TNKS: variants seen among roughly 807,000 people sequenced by gnomAD.
TNKS encodes the protein tankyrase.
TNKS carries 72 observed loss-of-function variants against 135.8 expected under a neutral mutation model. The ratio of observed to expected loss-of-function variants is 0.53; its 90% CI spans 0.44 to 0.64. The LOEUF (loss-of-function observed/expected upper bound fraction) is 0.64, where lower values mean the gene tolerates loss of function less well. Ranked by LOEUF, TNKS falls within the 30% of genes least tolerant of loss-of-function variation. TNKS has a pLI of 0.00. For synonymous variants in TNKS, 849 were observed against 649.3 expected, an observed-to-expected ratio of 1.31 and a Z score of -4.68; for missense variants, 1,769 against 1,674.0, an observed-to-expected ratio of 1.06 and a Z score of -0.99.
intron 1 of TNKS, among the ~76,000 whole-genome samples, chr8:9,567,858 A>C (rs572475173): frequency 6.6e-6 from 1 of 152,218 alleles, no homozygotes; most frequent in Non-Finnish European, 1.5e-5. Context: ...CAGCAGTTTG[A>C]AAGTATGTAA....
chr8:9,699,740 C>A (rs535566154), intron 5 of TNKS, among the ~76,000 whole-genome samples: 7 of 152,094 alleles, frequency 4.6e-5, no homozygotes, highest in African/African-American at 1.7e-4. Context: ...AGTCCTGTAC[C>A]CTTCTGTTCA....
rs914464542 is a variant in TNKS at position 9,566,576 on chromosome 8, T to G, written c.673+9964T>G. On this transcript the variant is annotated intron_variant, in intron 1 of 26. Coordinates refer to ENST00000310430, the MANE Select transcript of TNKS (RefSeq NM_003747.3). Reference sequence around the variant, plus strand: ...TTCTTAAGTACATAAATATTAATCCTCGTATATTAGCCCAGTCTTTTTTTT... The same window carrying G: ...TTCTTAAGTACATAAATATTAATCCGCGTATATTAGCCCAGTCTTTTTTTT... 1.1e-4 allele frequency: 16 copies of G among 148,398 alleles called. 2 individuals are homozygous for G. Among genetic ancestry groups the G allele is most frequent in the African/African-American group, 3.9e-4 (16 of 40,876 alleles). 9.2% of individuals were successfully genotyped at this position (148,398 alleles called of 1,614,324 possible). A position where few individuals can be genotyped will look rare whatever the true frequency, so the allele number is the denominator to read the frequency against.
Position 9,730,907 on chromosome 8 carries a change from A to G in TNKS, c.2019A>G (p.Gln673=). Residue 673 remains glutamine (Q), a synonymous_variant, in exon 14 of 27, where the codon CAA becomes CAG. Coordinates refer to ENST00000310430, the MANE Select transcript of TNKS (RefSeq NM_003747.3). ...CACGAAAGCAACTTTGCAGCTCTCA[A>G]AATGTGAATTGTAGAGACTTAGAGG... ...LETVKQLCSS[Q]NVNCRDLEGR... 6.2e-7 allele frequency: 1 copy of G among 1,613,194 alleles called. No homozygotes were observed. The highest frequency in any genetic ancestry group is 8.5e-7 in the Non-Finnish European group (1 of 1,179,642).
intron 25 of TNKS, among the ~76,000 whole-genome samples, chr8:9,767,533 T>A (rs1202257136): frequency 6.6e-6 from 1 of 152,164 alleles, no homozygotes; most frequent in Non-Finnish European, 1.5e-5. Flanking sequence ...ACCTTGAAAT[T>A]GTGATTATTG....
chr8:9,563,864 T>G (rs1005376338), intron 1 of TNKS, among the ~76,000 whole-genome samples: 6 of 152,200 alleles, frequency 3.9e-5, no homozygotes, highest in African/African-American at 1.4e-4. Flanking sequence ...GTATTTGACC[T>G]CAGTTACTTT....
chr8:9,731,059 T>A, intron 14 of TNKS, 24 bp downstream of exon 14: 1 of 1,553,322 alleles, frequency 6.4e-7, no homozygotes, highest in Non-Finnish European at 8.7e-7. Flanking sequence ...GTTAGCTGTT[T>A]GGGAGTCATT....
chr8:9,561,684 A>T (rs1225855317), intron 1 of TNKS, among the ~76,000 whole-genome samples: 2 of 152,102 alleles, frequency 1.3e-5, no homozygotes, highest in South Asian at 4.1e-4. Flanking sequence ...CTTTTTGTGG[A>T]CACGGATTTT....
chr8:9,693,208 T>C (rs926186549), intron 5 of TNKS, among the ~76,000 whole-genome samples: 8 of 152,164 alleles, frequency 5.3e-5, no homozygotes, highest in African/African-American at 1.4e-4. Flanking sequence ...ATAATTATGG[T>C]ACAGCCACAC....
At chr8:9,658,140 G>A (rs533227285) in intron 3 of TNKS, among the ~76,000 whole-genome samples, 41 of 110,342 alleles carry the variant, frequency 3.7e-4, no homozygotes, top group African/African-American at 1.3e-3. Flanking sequence ...GGGCGGAGAC[G>A]CTCCTCACTT....
At chr8:9,590,174 C>T (rs1471798164) in intron 2 of TNKS, among the ~76,000 whole-genome samples, 1 of 152,154 alleles carries the variant, frequency 6.6e-6, no homozygotes, top group African/African-American at 2.4e-5. Context: ...GACTCATCTT[C>T]AGGGCCCTCC....
chr8:9,701,340 C>A (rs1267737408), intron 5 of TNKS, among the ~76,000 whole-genome samples: 1 of 152,148 alleles, frequency 6.6e-6, no homozygotes, highest in East Asian at 1.9e-4. Flanking sequence ...GAACTTTATA[C>A]AAAGAAAGTT....
At chr8:9,674,517 T>G (rs1274958096) in intron 3 of TNKS, among the ~76,000 whole-genome samples, 1 of 152,214 alleles carries the variant, frequency 6.6e-6, no homozygotes, top group East Asian at 1.9e-4. Context: ...CTGCAAAGTT[T>G]CGTGGTCCAA....
At chr8:9,718,943 G>C (rs765863048) in intron 11 of TNKS, among the ~76,000 whole-genome samples, 5 of 152,146 alleles carry the variant, frequency 3.3e-5, no homozygotes, top group Non-Finnish European at 7.4e-5. Flanking sequence ...AATAGAATAA[G>C]TTAGTATGTT....
rs986321468 is a variant in TNKS, at chr8:9,611,291, A to C, written c.899-4291A>C. On this transcript the variant is annotated intron_variant, in intron 2 of 26. Coordinates refer to ENST00000310430, the MANE Select transcript of TNKS (RefSeq NM_003747.3). ...AGTATAGGGGGCTTTGTGAATGGCC[A>C]TAGTACCCTTGAATTTATGTACTGA... is the stretch of plus-strand genomic sequence containing the variant. 6.6e-5 allele frequency among the ~76,000 whole-genome samples: 10 copies of C among 152,358 alleles called. No homozygotes were observed. The East Asian group carries it at 1.9e-3, about 29-fold the overall frequency.
chr8:9,746,857 C>T (rs1452194361), intron 17 of TNKS, among the ~76,000 whole-genome samples: 2 of 144,320 alleles, frequency 1.4e-5, no homozygotes, highest in African/African-American at 5.3e-5. Context: ...TGAGCCTTAT[C>T]TGAGAGTTTC....
At chr8:9,696,922 A>G (rs1460032173) in intron 5 of TNKS, among the ~76,000 whole-genome samples, 1 of 152,170 alleles carries the variant, frequency 6.6e-6, no homozygotes, top group African/African-American at 2.4e-5. Context: ...AACAATCAAC[A>G]TCATTCTTCA....
intron 11 of TNKS, among the ~76,000 whole-genome samples, chr8:9,717,099 A>ATT (rs1403111232): frequency 8.0e-6 from 1 of 124,532 alleles, no homozygotes; most frequent in African/African-American, 2.9e-5. Context: ...ATATATATAT[A>ATT]TATTTTCAGG....
At chr8:9,770,426 A>T (rs1401849400) in intron 26 of TNKS, among the ~76,000 whole-genome samples, 164 bp downstream of exon 26, 5 of 152,278 alleles carry the variant, frequency 3.3e-5, no homozygotes, top group African/African-American at 4.8e-5. Flanking sequence ...ATTCTTTGAC[A>T]TCAACTTTTT....
In TNKS at chr8:9,680,000, A is replaced by G. The variant is rs1490689156; in HGVS notation, c.1031+13A>G. On this transcript the variant is annotated intron_variant, in intron 4 of 26. Transcript: ENST00000310430. ...TAGAAGCTGCTAGGTAAGTGATTCC[A>G]TTCATTTTAAGTGTATATAATGCAT... is the stretch of plus-strand genomic sequence containing the variant. The G allele has an allele frequency of 6.2e-7, 1 of 1,605,854 alleles. No homozygotes were observed. The highest frequency in any genetic ancestry group is 8.5e-7 in the Non-Finnish European group (1 of 1,172,548).
Sources: gnomAD v4.1 joint callset for allele counts (sites outside exome capture counted in the v4.1 genomes callset) on GRCh38, gnomAD v4.1.1 for gene constraint, MANE v1.5 for transcripts, NCBI Gene and HGNC (gene_info 2026-07-23, HGNC 2026-07-21) for gene names.